The following AKR1B10 variants were observed in gnomAD, a reference collection of about 807,000 sequenced individuals.
AKR1B10 encodes aldo-keto reductase family 1 member B10.
AKR1B10 carries 39 observed loss-of-function variants against 38.9 expected under a neutral mutation model. That is an observed-to-expected ratio of 1.00 (90% CI 0.78 to 1.31). The LOEUF (loss-of-function observed/expected upper bound fraction) is 1.31, where lower values mean the gene tolerates loss of function less well. Ranked by LOEUF, AKR1B10 falls within the 50% of genes most tolerant of loss-of-function variation. The pLI is 0.00. For missense variants in AKR1B10, 361 were observed against 382.6 expected (o/e 0.94, Z 0.47); for synonymous variants, 148 against 141.2 (o/e 1.05, Z -0.34).
chr7:134,530,736 G>C lies in AKR1B10; in HGVS notation c.160G>C (p.Glu54Gln), dbSNP rs1301987117. 2.5e-6 allele frequency: 4 copies of C among 1,614,088 alleles called. No homozygotes were observed. The highest frequency in any genetic ancestry group is 1.7e-5 in the Admixed American group (1 of 60,024). ...DCAYVYQNEH[E>Q]VGEAIQEKIQ... ...TGCCTATGTCTATCAGAATGAACAT[G>C]AAGTGGGGGAAGCCATCCAAGAGAA... is the stretch of plus-strand genomic sequence containing the variant. The change falls in exon 2 of 10, where the codon GAA (glutamate) becomes CAA (glutamine). Residue 54 changes from glutamate to glutamine, a missense_variant. Physicochemically the swap from Glu to Gln is conservative, Grantham distance 29 (BLOSUM62 2). Transcript: ENST00000359579.
chr7:134,527,613 C>G lies in AKR1B10; in HGVS notation c.-299C>G, dbSNP rs1392674326. ...GGGCACAGTAGCTCACACCTGTAAT[C>G]CCAGCACTTTGGAAGGCCGAGGTGG... On this transcript the variant is annotated 5_prime_UTR_variant, in exon 1 of 10. It adds an upstream start codon to the 5' untranslated region. Coordinates refer to ENST00000359579, the MANE Select transcript of AKR1B10 (RefSeq NM_020299.5). 1 of 236,032 alleles carries G rather than the reference C, an allele frequency of 4.2e-6. No individual in the cohort carries two copies. The highest frequency in any genetic ancestry group is 4.4e-5 in the Admixed American group (1 of 22,486). 14.6% of individuals were successfully genotyped at this position (236,032 alleles called of 1,614,324 possible).
Position 134,531,967 on chromosome 7 carries a change from G to A in AKR1B10, c.294G>A (p.Lys98=), listed in dbSNP as rs766861648. ...GGAAAGCCTTTGAGAAGACCCTCAA[G>A]GACCTGAAGCTGAGCTATCTGGACG... ...LVRKAFEKTL[K]DLKLSYLDVY... Residue 98 remains lysine, a synonymous_variant, in exon 3 of 10, where the codon AAG becomes AAA. Coordinates refer to ENST00000359579, the MANE Select transcript of AKR1B10 (RefSeq NM_020299.5). 6.2e-7 allele frequency: 1 copy of A among 1,614,166 alleles called. No homozygotes were observed. Among genetic ancestry groups the A allele is most frequent in the South Asian group, 1.1e-5 (1 of 91,084 alleles).
intron 9 of AKR1B10, among the ~76,000 whole-genome samples, chr7:134,539,723 A>T (rs1199722619): frequency 1.3e-5 from 2 of 152,160 alleles, no homozygotes; most frequent in Admixed American, 6.5e-5. Context: ...AACTTTACTT[A>T]AAATCTTAGA....
Position 134,541,033 on chromosome 7 carries a change from G to GT in AKR1B10, c.909-12dup, listed in dbSNP as rs1808136935. 3.9e-6 allele frequency: 6 copies of GT among 1,558,006 alleles called. No homozygotes were observed. Among genetic ancestry groups the GT allele is most frequent in the South Asian group, 1.1e-5 (1 of 89,394 alleles). On this transcript the variant is annotated splice_polypyrimidine_tract_variant and intron_variant, in intron 9 of 9. Coordinates refer to ENST00000359579, the MANE Select transcript of AKR1B10 (RefSeq NM_020299.5). The stretch of plus-strand genomic sequence containing the variant: ...CTCAGTTTCTCTGTTTTTGTTTTTT[G>GT]TTCTTTCCTGCAGATCCTCTCATTT...
chr7:134,533,985 C>T (rs548080626), intron 4 of AKR1B10, among the ~76,000 whole-genome samples: 61 of 152,122 alleles, frequency 4.0e-4, no homozygotes, highest in South Asian at 2.7e-3. Flanking sequence ...CATGTAGTTG[C>T]GAGTTTGTAT....
chr7:134,532,555 C>A (rs780411541), intron 3 of AKR1B10, among the ~76,000 whole-genome samples: 2 of 152,132 alleles, frequency 1.3e-5, no homozygotes, highest in Non-Finnish European at 2.9e-5. Flanking sequence ...CCAGCTCTCT[C>A]CCCTCCTGAC....
At chr7:134,534,856 A>G (rs77337210) in intron 4 of AKR1B10, among the ~76,000 whole-genome samples, 10,204 of 152,270 alleles carry the variant, frequency 0.067, 606 homozygotes, top group African/African-American at 0.15. Context: ...TTTGGATAAC[A>G]TCATATATCC....
Position 134,527,938 on chromosome 7 carries a change from C to A in AKR1B10, c.27C>A (p.Thr9=), listed in dbSNP as rs139571012. Residue 9 remains threonine (T), a synonymous_variant, in exon 1 of 10, where the codon ACC becomes ACA. Coordinates refer to ENST00000359579, the MANE Select transcript of AKR1B10 (RefSeq NM_020299.5). The part of the protein sequence containing the change: MATFVELS[T]KAKMPIVGLG... Reference sequence around the variant, plus strand: ...TGGCCACGTTTGTGGAGCTCAGTACCAAAGCCAAGATGCCCATTGTGGGCC... The same window carrying A: ...TGGCCACGTTTGTGGAGCTCAGTACAAAAGCCAAGATGCCCATTGTGGGCC... The A allele has an allele frequency of 1.2e-5, 20 of 1,613,860 alleles. No homozygotes were observed. The African/African-American group carries it at 2.4e-4, about 19-fold the overall frequency.
At chr7:134,540,736 C>G (rs905230654) in intron 9 of AKR1B10, among the ~76,000 whole-genome samples, 1 of 152,194 alleles carries the variant, frequency 6.6e-6, no homozygotes, top group Admixed American at 6.5e-5. Flanking sequence ...TTGTTTCCTA[C>G]TTCATGATGT....
At chr7:134,536,867 C>T (rs1808023276) in intron 5 of AKR1B10, 95 bp downstream of exon 5, 1 of 1,585,004 alleles carries the variant, frequency 6.3e-7, no homozygotes, top group Non-Finnish European at 8.6e-7. Flanking sequence ...AGTCTCATCT[C>T]AGGGGTCAGT....
intron 4 of AKR1B10, chr7:134,535,513 G>C: frequency 1.4e-6 from 1 of 690,768 alleles, no homozygotes; most frequent in African/African-American, 2.0e-5. Context: ...AACATGTCGT[G>C]CTTATCCCTG....
chr7:134,529,462 G>T (rs1718800567), intron 1 of AKR1B10, among the ~76,000 whole-genome samples: 1 of 152,202 alleles, frequency 6.6e-6, no homozygotes, highest in Non-Finnish European at 1.5e-5. Flanking sequence ...AAAGAATTAT[G>T]AAGGGAGCTG....
rs375799056 is a variant in AKR1B10, at chr7:134,532,976, C to A, written c.352-28C>A. Reference sequence around the variant, plus strand: ...GAACCAAGTGTCCTGATGCAGATTCCAGTAAACTTTTCATTCTGTGTTCAC... The same window carrying A: ...GAACCAAGTGTCCTGATGCAGATTCAAGTAAACTTTTCATTCTGTGTTCAC... On this transcript the variant is annotated intron_variant, in intron 3 of 9. Transcript: ENST00000359579. 7 of 1,588,526 alleles carry A rather than the reference C, an allele frequency of 4.4e-6. No individual in the cohort carries two copies. In the Middle Eastern group the frequency reaches 5.0e-4, roughly 113 times the overall value.
At chr7:134,539,254 G>T (rs1445592708) in intron 9 of AKR1B10, among the ~76,000 whole-genome samples, 2 of 152,168 alleles carry the variant, frequency 1.3e-5, no homozygotes, top group Non-Finnish European at 2.9e-5. Flanking sequence ...AAGGTGGGTT[G>T]TCAATAGGCG....
intron 9 of AKR1B10, 127 bp downstream of exon 9, chr7:134,539,144 G>T: frequency 1.7e-6 from 2 of 1,159,508 alleles, no homozygotes; most frequent in East Asian, 2.6e-5. Context: ...GGGCAATTTT[G>T]AAAGTTAAAA....
Position 134,536,630 on chromosome 7 carries a change from G to T in AKR1B10, c.430-20G>T, listed in dbSNP as rs532385254. The T allele has an allele frequency of 5.6e-6, 9 of 1,613,438 alleles. No homozygotes were observed. The highest frequency in any genetic ancestry group is 2.7e-5 in the African/African-American group (2 of 75,012). ...GTAGTCCCTCTAGAGCTGCCCATAA[G>T]GTATTCCTTTCTATGATAGGCCATG... On this transcript the variant is annotated intron_variant, in intron 4 of 9. Transcript: ENST00000359579.
chr7:134,529,142 G>A (rs1037782032), intron 1 of AKR1B10, among the ~76,000 whole-genome samples: 22 of 152,228 alleles, frequency 1.4e-4, no homozygotes, highest in Non-Finnish European at 1.8e-4. Flanking sequence ...TGTCCCTGCT[G>A]AGACTTCTGC....
chr7:134,537,684 GT>G (rs1339873310), intron 7 of AKR1B10, 23 bp downstream of exon 7: 4 of 1,612,276 alleles, frequency 2.5e-6, no homozygotes, highest in Admixed American at 1.7e-5. Flanking sequence ...TATTTTTCTT[GT>G]TATCCAACAA....
chr7:134,530,620 T>A (rs765963831), intron 1 of AKR1B10, 23 bp from the exon 2 acceptor site: 4 of 1,613,438 alleles, frequency 2.5e-6, no homozygotes, highest in Non-Finnish European at 8.5e-7. Context: ...ACATATGTGA[T>A]GAGCTTTTCT....
Sources: gnomAD v4.1 joint callset for allele counts (sites outside exome capture counted in the v4.1 genomes callset) on GRCh38, gnomAD v4.1.1 for gene constraint, MANE v1.5 for transcripts, NCBI Gene and HGNC (gene_info 2026-07-23, HGNC 2026-07-21) for gene names.